The following FARSB variants were observed in gnomAD, a reference collection of about 807,000 sequenced individuals.
FARSB encodes the protein phenylalanyl-tRNA synthetase subunit beta.
In FARSB, 40 loss-of-function variants were observed where a neutral mutation model predicts 69.6. The observed-to-expected ratio is 0.57, with a 90% CI of 0.45 to 0.75. FARSB has a LOEUF of 0.75. Ranked by LOEUF, FARSB falls within the 30% of genes least tolerant of loss-of-function variation. The pLI is 0.00. For synonymous variants in FARSB, 235 were observed against 247.2 expected (o/e 0.95, Z 0.46); for missense variants, 632 against 722.9 (o/e 0.87, Z 1.44).
chr2:222,584,991 A>G (rs1690070295), intron 16 of FARSB, among the ~76,000 whole-genome samples: 1 of 152,200 alleles, frequency 6.6e-6, no homozygotes, highest in African/African-American at 2.4e-5. Context: ...TGAAGAGAGT[A>G]GTGGTTCTCC....
chr2:222,581,694 A>C (rs1056510150), intron 16 of FARSB, among the ~76,000 whole-genome samples: 2 of 152,238 alleles, frequency 1.3e-5, no homozygotes, highest in African/African-American at 2.4e-5. Flanking sequence ...CAGCATATGT[A>C]TATCACGAAG....
rs1689711753 is a variant in FARSB at position 222,571,318 on chromosome 2, C to G, written c.*553G>C. ...TTGAATCCTTGTATTACAGATTTTT[C>G]TTTCACTTTAAACTGACCTCAGAAG... On this transcript the variant is annotated 3_prime_UTR_variant, in exon 17 of 17. Transcript: ENST00000281828. 6.6e-6 allele frequency: 1 copy of G among 152,168 alleles called. No individual in the cohort carries two copies. 9.4% of individuals were successfully genotyped at this position (152,168 alleles called of 1,614,324 possible).
At chr2:222,642,630 AT>A (rs1691751484) in intron 3 of FARSB, among the ~76,000 whole-genome samples, 1 of 152,232 alleles carries the variant, frequency 6.6e-6, no homozygotes, top group Non-Finnish European at 1.5e-5. Context: ...GTTTTAAAAT[AT>A]GTTCTCAAAG....
At chr2:222,619,310 A>C (rs931959337) in intron 14 of FARSB, among the ~76,000 whole-genome samples, 15 of 119,366 alleles carry the variant, frequency 1.3e-4, no homozygotes, top group Non-Finnish European at 1.7e-5. Flanking sequence ...TGTCCCAAAA[A>C]ATAAAAATTA....
intron 2 of FARSB, among the ~76,000 whole-genome samples, chr2:222,647,784 G>C (rs1691909128): frequency 6.6e-6 from 1 of 152,210 alleles, no homozygotes; most frequent in Non-Finnish European, 1.5e-5. Flanking sequence ...GCCAGGCATG[G>C]TGGCTCACAC....
chr2:222,628,984 A>G (rs1691347181), intron 9 of FARSB, 96 bp from the exon 10 acceptor site: 1 of 845,760 alleles, frequency 1.2e-6, no homozygotes, highest in African/African-American at 1.7e-5. Flanking sequence ...TTGGGCTACA[A>G]CTACAGCCTC....
intron 16 of FARSB, among the ~76,000 whole-genome samples, chr2:222,585,504 G>A (rs1399362089): frequency 6.6e-6 from 1 of 152,260 alleles, no homozygotes; most frequent in Non-Finnish European, 1.5e-5. Context: ...AATGGAACAA[G>A]GCTGAACAGA....
Position 222,567,718 on chromosome 2 carries a change from T to A in FARSB, c.*4153A>T, listed in dbSNP as rs1346375164. 1 of 152,222 alleles carries A rather than the reference T, an allele frequency of 6.6e-6. No individual in the cohort carries two copies. The highest frequency in any genetic ancestry group is 1.5e-5 in the Non-Finnish European group (1 of 68,038). The allele number at this position is 152,222 out of a possible 1,614,324, so 9.4% of individuals were successfully genotyped here. ...GTACAAACGTCACATCAAAGAAATATCTAATGAACTCTATGCATCTCTGAA... is the reference window on the plus strand; with the variant it reads ...GTACAAACGTCACATCAAAGAAATAACTAATGAACTCTATGCATCTCTGAA... On this transcript the variant is annotated 3_prime_UTR_variant, in exon 17 of 17. Transcript: ENST00000281828.
At chr2:222,572,125 C>T (rs1689732915) in intron 16 of FARSB, 103 bp from the exon 17 acceptor site, 10 of 890,556 alleles carry the variant, frequency 1.1e-5, no homozygotes, top group South Asian at 7.5e-5. Context: ...AATAACTATT[C>T]TTTAAATCAC....
At chr2:222,588,191 C>T (rs1425948733) in intron 16 of FARSB, among the ~76,000 whole-genome samples, 1 of 152,150 alleles carries the variant, frequency 6.6e-6, no homozygotes, top group Non-Finnish European at 1.5e-5. Context: ...CCCTGGGATG[C>T]AAGGCTGGTT....
rs1691947450 is a variant in FARSB at position 222,648,866 on chromosome 2, A to G, written c.59-71T>C. The G allele has an allele frequency of 9.4e-6, 9 of 959,704 alleles. No homozygotes were observed. The South Asian group carries it at 1.2e-4, about 12-fold the overall frequency. 59.4% of individuals were successfully genotyped at this position (959,704 alleles called of 1,614,324 possible). On this transcript the variant is annotated intron_variant, in intron 1 of 16. Coordinates refer to ENST00000281828, the MANE Select transcript of FARSB (RefSeq NM_005687.5). ...TAAGTGAAAACTACATACAAACTGC[A>G]TTTTCTTATTACTAATTGCCTTACA...
chr2:222,636,538 G>C (rs1025683621), intron 5 of FARSB, among the ~76,000 whole-genome samples: 3 of 151,412 alleles, frequency 2.0e-5, no homozygotes, highest in African/African-American at 7.3e-5. Flanking sequence ...GAAACTAAAA[G>C]TCAAAAAACA....
In FARSB at chr2:222,645,675, T is replaced by A. The variant is rs181961275; in HGVS notation, c.115-2670A>T. On this transcript the variant is annotated intron_variant, in intron 2 of 16. Coordinates refer to ENST00000281828, the MANE Select transcript of FARSB (RefSeq NM_005687.5). ...TTGGCAATTACAAAAGTAATAGATT[T>A]TCTTACATAATACGTTCCTTCAGTA... Among the ~76,000 whole-genome samples, 215 of 152,202 alleles carry A rather than the reference T, an allele frequency of 1.4e-3. 1 individual carries two copies. Among genetic ancestry groups the A allele is most frequent in the Admixed American group, 0.012 (188 of 15,280 alleles).
Position 222,628,821 on chromosome 2 carries a change from T to C in FARSB, c.900+16A>G, listed in dbSNP as rs1158964727. Reference sequence around the variant, plus strand: ...CATTGTTGTCATAATCATGAAGTCATTTCTTAAGCACTTACTGGAAAGGTA... The same window carrying C: ...CATTGTTGTCATAATCATGAAGTCACTTCTTAAGCACTTACTGGAAAGGTA... On this transcript the variant is annotated intron_variant, in intron 10 of 16. Transcript: ENST00000281828. The C allele has an allele frequency of 6.4e-7, 1 of 1,554,290 alleles. No homozygotes were observed. Among genetic ancestry groups the C allele is most frequent in the Non-Finnish European group, 8.9e-7 (1 of 1,126,922 alleles).
chr2:222,630,482 A>G (rs1158396989), intron 8 of FARSB, among the ~76,000 whole-genome samples: 1 of 152,154 alleles, frequency 6.6e-6, no homozygotes, highest in African/African-American at 2.4e-5. Flanking sequence ...AAATCTTAAC[A>G]ATCTCCTAAG....
At chr2:222,639,763 A>G in intron 4 of FARSB, 68 bp from the exon 5 acceptor site, 1 of 617,844 alleles carries the variant, frequency 1.6e-6, no homozygotes, top group African/African-American at 1.9e-5. Flanking sequence ...TTGTAATAGG[A>G]AGGTAGCTGC....
chr2:222,597,729 G>A (rs1324098955), intron 16 of FARSB, among the ~76,000 whole-genome samples: 2 of 152,024 alleles, frequency 1.3e-5, no homozygotes, highest in Admixed American at 6.6e-5. Context: ...CTATGAGCAC[G>A]ATCCAGGCCA....
At position 222,631,599 on chromosome 2, in the gene FARSB, C is replaced by G. The variant is rs767229748; in HGVS notation, c.786+5G>C. On this transcript the variant is annotated splice_donor_5th_base_variant and intron_variant, in intron 8 of 16. Transcript: ENST00000281828. ...ATACAAAAATTGAGTAAAAGTTTTA[C>G]TTACCTTAGTAAAGTCAGTTCCCGT... 9 of 1,462,144 alleles carry G rather than the reference C, an allele frequency of 6.2e-6. No homozygotes were observed. The highest frequency in any genetic ancestry group is 8.6e-6 in the Non-Finnish European group (9 of 1,043,196). The allele number at this position is 1,462,144 out of a possible 1,614,324, so 90.6% of individuals were successfully genotyped here. A position where few individuals can be genotyped will look rare whatever the true frequency, so the allele number is the denominator to read the frequency against.
intron 14 of FARSB, among the ~76,000 whole-genome samples, chr2:222,616,545 C>CAAAAAAAA (rs11447332): frequency 1.5e-4 from 11 of 74,056 alleles, no homozygotes; most frequent in African/African-American, 2.3e-4. Flanking sequence ...GACTCCATCT[C>CAAAAAAAA]AAAAAAAAAA....
Sources: allele counts gnomAD v4.1 joint callset (sites outside exome capture counted in the v4.1 genomes callset), GRCh38; gene constraint gnomAD v4.1.1; transcripts MANE v1.5; gene names NCBI Gene and HGNC (gene_info 2026-07-23, HGNC 2026-07-21).